The following KATNAL2 variants were observed in gnomAD, a reference collection of about 807,000 sequenced individuals.
The protein encoded by KATNAL2 is katanin p60 ATPase-containing subunit A-like 2.
KATNAL2 carries 52 observed loss-of-function variants against 76.3 expected under a neutral mutation model. The ratio of observed to expected loss-of-function variants is 0.68; its 90% CI spans 0.55 to 0.86. The LOEUF is 0.86. Ranked by LOEUF, KATNAL2 falls within the 40% of genes least tolerant of loss-of-function variation. The probability of loss-of-function intolerance (pLI) is 0.00; values close to 1 mark genes in which losing one functional copy is unlikely to be tolerated. For missense variants in KATNAL2, 660 were observed against 668.9 expected, an observed-to-expected ratio of 0.99 and a Z score of 0.15; for synonymous variants, 243 against 244.2, an observed-to-expected ratio of 1.00 and a Z score of 0.05.
intron 3 of KATNAL2, among the ~76,000 whole-genome samples, chr18:47,043,454 T>C (rs1410059942): frequency 6.6e-6 from 1 of 152,116 alleles, no homozygotes; most frequent in Non-Finnish European, 1.5e-5. Context: ...TTTGGTAATT[T>C]ACGAAGAAAA....
At chr18:47,060,188 G>T (rs984835633) in intron 8 of KATNAL2, among the ~76,000 whole-genome samples, 6 of 151,914 alleles carry the variant, frequency 3.9e-5, no homozygotes, top group African/African-American at 1.5e-4. Flanking sequence ...CTAGAGATGG[G>T]GTCTCACTAT....
rs141791277 is a variant in KATNAL2, at chr18:47,034,921, T to G, written c.52-11536T>G. ...AGATGGGCTCCTGGGGGCCGTCGCG[T>G]TTTCTGGGAAGCCCCAGGCCTTTTC... On this transcript the variant is annotated intron_variant, in intron 3 of 17. Transcript: ENST00000683218. 1.2e-3 allele frequency: 1,929 copies of G among 1,611,804 alleles called. 34 individuals carry two copies. The East Asian group carries it at 0.031, about 26-fold the overall frequency.
chr18:47,057,199 G>A lies in KATNAL2; in HGVS notation c.333-1036G>A, dbSNP rs118009070. ...GGAAGTTGAAATAGCAGCTCTCTGA[G>A]ATCACTCTGAACATGGGGAGACTTG... is the stretch of plus-strand genomic sequence containing the variant. On this transcript the variant is annotated intron_variant, in intron 6 of 17. Transcript: ENST00000683218. Among the ~76,000 whole-genome samples, 1,108 of 152,296 alleles carry A rather than the reference G, an allele frequency of 7.3e-3. 36 individuals are homozygous for A. The East Asian group carries it at 0.075, about 10-fold the overall frequency.
intron 1 of KATNAL2, among the ~76,000 whole-genome samples, chr18:46,927,350 G>C (rs2058760169): frequency 6.6e-6 from 1 of 152,098 alleles, no homozygotes; most frequent in South Asian, 2.1e-4. Flanking sequence ...ATGATGCTTA[G>C]TTTGGCTGGA....
intron 3 of KATNAL2, among the ~76,000 whole-genome samples, chr18:46,953,597 A>G (rs1180436793): frequency 6.6e-6 from 1 of 152,194 alleles, no homozygotes; most frequent in East Asian, 1.9e-4. Context: ...CTCAACAAAA[A>G]ATAAGCAAAA....
intron 10 of KATNAL2, among the ~76,000 whole-genome samples, chr18:47,064,492 TAGAA>T (rs893531619): frequency 2.0e-5 from 3 of 152,186 alleles, no homozygotes; most frequent in Admixed American, 6.5e-5. Flanking sequence ...GAGGGGACCT[TAGAA>T]AGGCGCCCGT....
chr18:47,096,487 G>A (rs1236495190), intron 15 of KATNAL2, among the ~76,000 whole-genome samples: 2 of 152,050 alleles, frequency 1.3e-5, no homozygotes, highest in Non-Finnish European at 2.9e-5. Context: ...GACTACAGGC[G>A]TGCATCACCA....
chr18:46,931,179 A>T (rs1384579070), intron 1 of KATNAL2, among the ~76,000 whole-genome samples: 1 of 149,456 alleles, frequency 6.7e-6, no homozygotes, highest in Non-Finnish European at 1.5e-5. Context: ...ATGTGCCTGT[A>T]GTACTAGCTA....
chr18:46,956,198 T>A (rs994933941), intron 3 of KATNAL2, among the ~76,000 whole-genome samples: 9 of 152,218 alleles, frequency 5.9e-5, no homozygotes, highest in African/African-American at 2.2e-4. Flanking sequence ...GCTTTTGAAT[T>A]TATATCTTGG....
chr18:46,924,738 C>A (rs922900355), intron 1 of KATNAL2, among the ~76,000 whole-genome samples: 1 of 152,108 alleles, frequency 6.6e-6, no homozygotes, highest in South Asian at 2.1e-4. Flanking sequence ...TTGTTTGTAT[C>A]CTCTTGTATT....
At chr18:47,088,823 A>G (rs935639239) in intron 15 of KATNAL2, among the ~76,000 whole-genome samples, 1 of 152,150 alleles carries the variant, frequency 6.6e-6, no homozygotes, top group Non-Finnish European at 1.5e-5. Context: ...TATTTGTTTT[A>G]CTGTGTCAGT....
At chr18:47,051,172 C>A (rs965235428) in intron 4 of KATNAL2, among the ~76,000 whole-genome samples, 1 of 152,148 alleles carries the variant, frequency 6.6e-6, no homozygotes, top group African/African-American at 2.4e-5. Context: ...TCCTGCCAAC[C>A]ACATCGAATT....
chr18:47,032,555 AAAC>A (rs777886914), intron 3 of KATNAL2: 5 of 211,418 alleles, frequency 2.4e-5, no homozygotes, highest in East Asian at 2.6e-4. Context: ...CCTTTTATTA[AAAC>A]AACAACAACG....
intron 1 of KATNAL2, among the ~76,000 whole-genome samples, 156 bp from the exon 2 acceptor site, chr18:46,945,901 A>ATTTC (rs2059371553): frequency 6.6e-6 from 1 of 152,204 alleles, no homozygotes; most frequent in Non-Finnish European, 1.5e-5. Flanking sequence ...GACTCTGGAA[A>ATTTC]GAACTGCTTC....
intron 1 of KATNAL2, among the ~76,000 whole-genome samples, chr18:46,921,124 T>G (rs1048828227): frequency 5.9e-5 from 9 of 152,174 alleles, no homozygotes; most frequent in Non-Finnish European, 8.8e-5. Flanking sequence ...TTGTTTGTTT[T>G]TTGTTTCTGT....
intron 13 of KATNAL2, among the ~76,000 whole-genome samples, chr18:47,071,200 A>T (rs1283137144): frequency 6.6e-6 from 1 of 152,168 alleles, no homozygotes; most frequent in Non-Finnish European, 1.5e-5. Flanking sequence ...AGGTTTCACC[A>T]TGTTGCCCCG....
intron 4 of KATNAL2, among the ~76,000 whole-genome samples, chr18:47,047,332 A>G (rs1191712231): frequency 1.3e-5 from 2 of 152,172 alleles, no homozygotes; most frequent in Non-Finnish European, 2.9e-5. Context: ...TCCTCTACAC[A>G]TTTGAAGATA....
In KATNAL2 at chr18:47,046,350, G is replaced by A. The variant is rs371856172; in HGVS notation, c.52-107G>A. 1.6e-4 allele frequency: 118 copies of A among 737,594 alleles called. 1 individual carries two copies. The highest frequency in any genetic ancestry group is 1.5e-3 in the East Asian group (57 of 37,134). The allele number at this position is 737,594 out of a possible 1,614,324, so 45.7% of individuals were successfully genotyped here. ...CTTCAAATTGCTTTCCAGCCTTTAA[G>A]TCATGCTGCTTGGCTTTGACAGGTT... is the stretch of plus-strand genomic sequence containing the variant. On this transcript the variant is annotated intron_variant, in intron 3 of 17. Transcript: ENST00000683218.
At chr18:47,097,925 T>C (rs573539370) in intron 15 of KATNAL2, among the ~76,000 whole-genome samples, 1 of 152,294 alleles carries the variant, frequency 6.6e-6, no homozygotes, top group South Asian at 2.1e-4. Context: ...GGACTGAGCA[T>C]TAGACACATC....
Sources: gnomAD v4.1 joint callset for allele counts (sites outside exome capture counted in the v4.1 genomes callset) on GRCh38, gnomAD v4.1.1 for gene constraint, MANE v1.5 for transcripts, NCBI Gene and HGNC (gene_info 2026-07-23, HGNC 2026-07-21) for gene names.